DLGAP2: variants seen among roughly 807,000 people sequenced by gnomAD.
DLGAP2 encodes the protein disks large-associated protein 2.
In DLGAP2, 26 loss-of-function variants were observed where a neutral mutation model predicts 100.3. That is an observed-to-expected ratio of 0.26 (90% CI 0.19 to 0.36). DLGAP2 has a LOEUF of 0.36. Among genes scored for constraint, DLGAP2 ranks in the 10% least tolerant of loss-of-function variants. The pLI is 1.00. For synonymous variants in DLGAP2, 886 were observed against 630.1 expected (o/e 1.41, Z -6.08); for missense variants, 1,858 against 1,453.2 (o/e 1.28, Z -4.53).
At chr8:1,248,819 T>C (rs1268623192) in intron 2 of DLGAP2, 4 of 152,356 alleles carry the variant, frequency 2.6e-5, no homozygotes, top group African/African-American at 9.7e-5. Flanking sequence ...GGAAGTGATG[T>C]TTTCAGTGGA....
At chr8:1,118,664 G>T (rs574392149) in intron 2 of DLGAP2, among the ~76,000 whole-genome samples, 8 of 152,262 alleles carry the variant, frequency 5.3e-5, no homozygotes, top group African/African-American at 1.9e-4. Flanking sequence ...TTTTGTCAGT[G>T]CTTAGAGCAA....
intron 3 of DLGAP2, among the ~76,000 whole-genome samples, chr8:1,442,354 C>A (rs183557765): frequency 6.6e-6 from 1 of 151,534 alleles, no homozygotes; most frequent in Admixed American, 6.6e-5. Context: ...CAGGCATAGA[C>A]CCGCCAAGCT....
At chr8:1,316,223 A>T (rs1389870889) in intron 3 of DLGAP2, among the ~76,000 whole-genome samples, 3 of 125,962 alleles carry the variant, frequency 2.4e-5, no homozygotes, top group Non-Finnish European at 3.4e-5. Context: ...CGTCTCTCCA[A>T]CAGTGGTCTA....
intron 3 of DLGAP2, among the ~76,000 whole-genome samples, chr8:1,465,236 G>A (rs562732024): frequency 6.6e-6 from 1 of 152,380 alleles, no homozygotes; most frequent in East Asian, 1.9e-4. Flanking sequence ...CCACACGTGG[G>A]TTCCATTCAT....
chr8:1,130,729 C>T (rs912601586), intron 2 of DLGAP2, among the ~76,000 whole-genome samples: 1 of 152,204 alleles, frequency 6.6e-6, no homozygotes, highest in Non-Finnish European at 1.5e-5. Flanking sequence ...CAAGACAGAC[C>T]GCACCAGAGG....
At chr8:899,070 G>A (rs1481617832) in intron 1 of DLGAP2, among the ~76,000 whole-genome samples, 4 of 152,322 alleles carry the variant, frequency 2.6e-5, no homozygotes, top group African/African-American at 7.2e-5. Flanking sequence ...GATAACAACC[G>A]TTGACTGATG....
At chr8:1,641,855 T>C in intron 8 of DLGAP2, among the ~76,000 whole-genome samples, 1 of 151,280 alleles carries the variant, frequency 6.6e-6, no homozygotes, top group African/African-American at 2.4e-5. Context: ...TACTGTTGAA[T>C]CTGCCTCCCA....
chr8:922,056 C>T (rs1341191629), intron 2 of DLGAP2, among the ~76,000 whole-genome samples: 1 of 152,206 alleles, frequency 6.6e-6, no homozygotes, highest in Non-Finnish European at 1.5e-5. Flanking sequence ...GGGCAGGTGC[C>T]GTGTGCGCAG....
At chr8:1,500,851 C>G (rs1017628811) in intron 3 of DLGAP2, among the ~76,000 whole-genome samples, 3 of 152,328 alleles carry the variant, frequency 2.0e-5, no homozygotes, top group South Asian at 2.1e-4. Context: ...CAAAGTGGAC[C>G]TAATATGAAC....
At chr8:1,646,951 C>T (rs764486464) in intron 8 of DLGAP2, among the ~76,000 whole-genome samples, 5 of 152,144 alleles carry the variant, frequency 3.3e-5, no homozygotes, top group Non-Finnish European at 5.9e-5. Flanking sequence ...GTCGGAAAGG[C>T]CAGGGCACAG....
rs777898724 is a variant in DLGAP2, at chr8:1,549,053, G to A, written c.600G>A (p.Leu200=). 14 of 1,592,424 alleles carry A rather than the reference G, an allele frequency of 8.8e-6. No individual in the cohort carries two copies. The highest frequency in any genetic ancestry group is 1.2e-5 in the Non-Finnish European group (14 of 1,173,896). Residue 200 remains leucine, a synonymous_variant, in exon 5 of 15, where the codon CTG becomes CTA. Transcript: ENST00000637795. Reference sequence around the variant, plus strand: ...TGCTGGACCAGTTCGAGAAGCAGCTGCCGCTGCACCGGGACGGCTTCCACA... The same window carrying A: ...TGCTGGACCAGTTCGAGAAGCAGCTACCGCTGCACCGGGACGGCTTCCACA... ...ANLLDQFEKQ[L]PLHRDGFHTL...
chr8:1,526,112 A>G lies in DLGAP2; in HGVS notation c.173-22514A>G, dbSNP rs139732700. On this transcript the variant is annotated intron_variant, in intron 4 of 14. Transcript: ENST00000637795. ...GTAAGTTTCAGATTTGGGAGTAACA[A>G]TGTAATGACAATGCTGTGAGCGCTT... Among the ~76,000 whole-genome samples the G allele has an allele frequency of 9.6e-4, 145 of 151,228 alleles. 1 individual carries two copies. The highest frequency in any genetic ancestry group is 3.2e-3 in the African/African-American group (133 of 41,226).
intron 3 of DLGAP2, among the ~76,000 whole-genome samples, chr8:1,261,582 G>T (rs919662822): frequency 6.6e-6 from 1 of 151,734 alleles, no homozygotes; most frequent in Non-Finnish European, 1.5e-5. Context: ...CTGGGCAGTG[G>T]GGGGTGGGGC....
At chr8:1,387,112 C>A (rs1796239003) in intron 3 of DLGAP2, among the ~76,000 whole-genome samples, 1 of 152,070 alleles carries the variant, frequency 6.6e-6, no homozygotes, top group African/African-American at 2.4e-5. Flanking sequence ...TATCATATAG[C>A]AAAACAGCAG....
intron 3 of DLGAP2, among the ~76,000 whole-genome samples, chr8:1,407,355 C>G (rs1173959211): frequency 1.2e-4 from 11 of 89,980 alleles, no homozygotes; most frequent in Admixed American, 7.4e-4. Context: ...GTATTGAGAA[C>G]TTACTGAGCG....
intron 8 of DLGAP2, among the ~76,000 whole-genome samples, chr8:1,640,448 C>T (rs987855615): frequency 1.3e-5 from 2 of 152,214 alleles, no homozygotes; most frequent in Admixed American, 6.5e-5. Flanking sequence ...ACAACGATAT[C>T]GTGCGGGAGT....
chr8:1,461,105 G>T (rs1307511467), intron 3 of DLGAP2, among the ~76,000 whole-genome samples: 2 of 151,628 alleles, frequency 1.3e-5, no homozygotes, highest in African/African-American at 4.9e-5. Context: ...GCTGTCACGT[G>T]GGCTGGGTGC....
At position 1,258,831 on chromosome 8, in the gene DLGAP2, C is replaced by G. The variant is rs1799282909; in HGVS notation, c.74-20C>G. Reference sequence around the variant, plus strand: ...TGAGACCCTGTGGGTGTAACAGCTTCTCTCTGTCTCTGTTTTCAGAGTCGC... The same window carrying G: ...TGAGACCCTGTGGGTGTAACAGCTTGTCTCTGTCTCTGTTTTCAGAGTCGC... On this transcript the variant is annotated intron_variant, in intron 2 of 14. Transcript: ENST00000637795. 8.1e-7 allele frequency: 1 copy of G among 1,231,632 alleles called. No homozygotes were observed. The highest frequency in any genetic ancestry group is 1.6e-5 in the African/African-American group (1 of 64,430). The allele number at this position is 1,231,632 out of a possible 1,614,324, so 76.3% of individuals were successfully genotyped here.
rs116954992 is a variant in DLGAP2, at chr8:1,567,817, A to G, written c.1442+1923A>G. 1.9e-3 allele frequency among the ~76,000 whole-genome samples: 283 copies of G among 152,216 alleles called. 3 individuals are homozygous for G. Among genetic ancestry groups the G allele is most frequent in the Non-Finnish European group, 2.7e-3 (184 of 67,994 alleles). ...GAGCCTGAGGCCCCCTGACAGCATCACCTAAACACTGGCCAGACCCTTCCC... is the reference window on the plus strand; with the variant it reads ...GAGCCTGAGGCCCCCTGACAGCATCGCCTAAACACTGGCCAGACCCTTCCC... On this transcript the variant is annotated intron_variant, in intron 6 of 14. Coordinates refer to ENST00000637795, the MANE Select transcript of DLGAP2 (RefSeq NM_001346810.2).
Sources: allele counts gnomAD v4.1 joint callset (sites outside exome capture counted in the v4.1 genomes callset), GRCh38; gene constraint gnomAD v4.1.1; transcripts MANE v1.5; gene names NCBI Gene and HGNC (gene_info 2026-07-23, HGNC 2026-07-21).